Variants in LYST observed in about 807,000 individuals in gnomAD.
The protein encoded by LYST is lysosomal trafficking regulator.
Under a neutral mutation model 413.6 loss-of-function variants are expected in LYST, and 192 were observed. The observed-to-expected ratio is 0.46, with a 90% CI of 0.41 to 0.52. The LOEUF (loss-of-function observed/expected upper bound fraction) is 0.52. LYST is among the 20% of genes least tolerant of loss of function. The pLI is 0.00. For synonymous variants in LYST, 1,525 were observed against 1,567.3 expected (o/e 0.97, Z 0.64); for missense variants, 3,815 against 4,499.9 (o/e 0.85, Z 4.35).
At chr1:235,778,485 C>T (rs897483224) in intron 16 of LYST, among the ~76,000 whole-genome samples, 6 of 152,046 alleles carry the variant, frequency 3.9e-5, no homozygotes, top group African/African-American at 1.5e-4. Flanking sequence ...AGCAATTCTC[C>T]TGCTTCGGCC....
intron 48 of LYST, among the ~76,000 whole-genome samples, chr1:235,682,291 C>T (rs1198532539): frequency 2.0e-5 from 3 of 152,162 alleles, no homozygotes; most frequent in African/African-American, 7.2e-5. Context: ...TGCCACTGTA[C>T]TCCAGCATGG....
intron 3 of LYST, chr1:235,829,461 C>T (rs1262355251): frequency 6.6e-6 from 1 of 152,064 alleles, no homozygotes; most frequent in Admixed American, 6.5e-5. Flanking sequence ...GTTACAAACA[C>T]TTCATTATTT....
At chr1:235,706,916 C>T (rs1208521226) in intron 44 of LYST, among the ~76,000 whole-genome samples, 1 of 152,174 alleles carries the variant, frequency 6.6e-6, no homozygotes, top group Non-Finnish European at 1.5e-5. Context: ...GAATGGACTA[C>T]TGGCCTAAAT....
At chr1:235,877,126 T>TG (rs918180777) in intron 1 of LYST, among the ~76,000 whole-genome samples, 24 of 152,188 alleles carry the variant, frequency 1.6e-4, no homozygotes, top group African/African-American at 5.8e-4. Context: ...AAAATGTCTG[T>TG]GGGATCCCTG....
chr1:235,840,930 A>G (rs890316131), intron 1 of LYST, among the ~76,000 whole-genome samples: 5 of 152,222 alleles, frequency 3.3e-5, no homozygotes, highest in African/African-American at 9.6e-5. Flanking sequence ...AGGGATCAGG[A>G]CAACTCTCTG....
chr1:235,835,721 T>C (rs1676501595), intron 1 of LYST, among the ~76,000 whole-genome samples: 1 of 152,194 alleles, frequency 6.6e-6, no homozygotes, highest in African/African-American at 2.4e-5. Flanking sequence ...CATCTGGAAG[T>C]ATAGATACAT....
chr1:235,718,776 A>G (rs181307048), intron 40 of LYST, among the ~76,000 whole-genome samples: 117 of 152,332 alleles, frequency 7.7e-4, no homozygotes, highest in African/African-American at 2.8e-3. Context: ...GGCAGAATAA[A>G]TGCTGAATTC....
At chr1:235,750,075 C>A (rs1045437341) in intron 28 of LYST, among the ~76,000 whole-genome samples, 1 of 152,096 alleles carries the variant, frequency 6.6e-6, no homozygotes, top group Admixed American at 6.6e-5. Flanking sequence ...TCCATCTAAG[C>A]AGTCACTGAC....
At chr1:235,682,507 A>G (rs1659902266) in intron 48 of LYST, among the ~76,000 whole-genome samples, 1 of 152,192 alleles carries the variant, frequency 6.6e-6, no homozygotes, top group Non-Finnish European at 1.5e-5. Flanking sequence ...AGAGGCCATG[A>G]GCCAGGTGGG....
intron 14 of LYST, among the ~76,000 whole-genome samples, chr1:235,784,144 T>C (rs1407741430): frequency 6.6e-6 from 1 of 152,164 alleles, no homozygotes; most frequent in Admixed American, 6.6e-5. Context: ...CCTATCAAAG[T>C]GCTGGGATTA....
chr1:235,780,735 A>T (rs1669782772), intron 16 of LYST, 130 bp downstream of exon 16: 3 of 422,386 alleles, frequency 7.1e-6, no homozygotes, highest in Middle Eastern at 6.3e-4. Flanking sequence ...AAAAAAACAT[A>T]ATTCTAAGAA....
intron 31 of LYST, chr1:235,738,482 T>A (rs1260398522): frequency 2.5e-6 from 4 of 1,612,180 alleles, no homozygotes; most frequent in Non-Finnish European, 3.4e-6. Context: ...TTATTGGAAG[T>A]GGTTGCAATC....
At chr1:235,706,668 A>G (rs1406745908) in intron 44 of LYST, among the ~76,000 whole-genome samples, 2 of 152,264 alleles carry the variant, frequency 1.3e-5, no homozygotes, top group East Asian at 1.9e-4. Context: ...TCTCCCTTAC[A>G]TATTAATATT....
chr1:235,785,868 C>T (rs532947822), intron 14 of LYST, among the ~76,000 whole-genome samples: 9 of 152,198 alleles, frequency 5.9e-5, no homozygotes, highest in Non-Finnish European at 1.2e-4. Context: ...TAAAATTTGA[C>T]ATTAAGATAT....
At chr1:235,823,760 C>T (rs1365486208) in intron 3 of LYST, among the ~76,000 whole-genome samples, 2 of 152,236 alleles carry the variant, frequency 1.3e-5, no homozygotes, top group Admixed American at 1.3e-4. Flanking sequence ...TGCCTCTTTA[C>T]ATCGCCAATT....
rs1331025398 is a variant in LYST at position 235,663,025 on chromosome 1, G to A, written c.11321C>T (p.Thr3774Ile). Reference sequence around the variant, plus strand: ...GTCCTTCCGACACCAGGCAATCACGGTCCCATCACTGTTTGCTGTGTACAA... The same window carrying A: ...GTCCTTCCGACACCAGGCAATCACGATCCCATCACTGTTTGCTGTGTACAA... ...HHLYTANSDGTVIAWCRKDQQ... is the reference protein window; with the variant it reads ...HHLYTANSDGIVIAWCRKDQQ... The change falls in exon 53 of 53, where the codon ACC becomes ATC. Residue 3774 changes from threonine to isoleucine, a missense_variant. Physicochemically the swap from Thr to Ile is moderately conservative, Grantham distance 89. Around this residue, in one of 4 missense-constraint regions of LYST, gnomAD observed 866 missense variants for 1,156.0 expected, o/e 0.75. Transcript: ENST00000389793. The A allele has an allele frequency of 6.2e-7, 1 of 1,614,020 alleles. No individual in the cohort carries two copies. Among genetic ancestry groups the A allele is most frequent in the South Asian group, 1.1e-5 (1 of 91,072 alleles).
chr1:235,672,811 G>T (rs1659056014), intron 50 of LYST, among the ~76,000 whole-genome samples: 1 of 152,140 alleles, frequency 6.6e-6, no homozygotes, highest in Admixed American at 6.5e-5. Context: ...CGTATAAAAT[G>T]CTTTATAGGT....
chr1:235,793,641 A>C, intron 10 of LYST, 29 bp from the exon 11 acceptor site: 1 of 1,164,792 alleles, frequency 8.6e-7, no homozygotes, highest in East Asian at 2.4e-5. Flanking sequence ...GAAAAAATTA[A>C]AGCTAGTACA....
chr1:235,725,835 A>G (rs1473076849), intron 38 of LYST, among the ~76,000 whole-genome samples: 1 of 152,194 alleles, frequency 6.6e-6, no homozygotes, highest in African/African-American at 2.4e-5. Flanking sequence ...AATCTGCTTG[A>G]GAGTATTAAT....
Sources: allele counts gnomAD v4.1 joint callset (sites outside exome capture counted in the v4.1 genomes callset), GRCh38; gene constraint gnomAD v4.1.1; regional missense constraint gnomAD v4.1.1; transcripts MANE v1.5; gene names NCBI Gene and HGNC (gene_info 2026-07-23, HGNC 2026-07-21).